Variants in BTBD7 observed in about 807,000 individuals in gnomAD.
BTBD7 encodes BTB domain containing 7, also known as BTB/POZ domain-containing protein 7.
In BTBD7, 38 loss-of-function variants were observed where a neutral mutation model predicts 99.9. That is an observed-to-expected ratio of 0.38 (90% CI 0.29 to 0.50). BTBD7 has a LOEUF of 0.50. BTBD7 is among the 20% of genes least tolerant of loss of function. The pLI is 0.93. For missense variants in BTBD7, 1,170 were observed against 1,394.6 expected, an observed-to-expected ratio of 0.84 and a Z score of 2.57; for synonymous variants, 520 against 511.4, an observed-to-expected ratio of 1.02 and a Z score of -0.23.
At chr14:93,264,745 C>T (rs1260842301) in intron 3 of BTBD7, among the ~76,000 whole-genome samples, 1 of 152,070 alleles carries the variant, frequency 6.6e-6, no homozygotes, top group Non-Finnish European at 1.5e-5. Context: ...ATTAAGCTTA[C>T]TATAAAACAA....
intron 1 of BTBD7, among the ~76,000 whole-genome samples, chr14:93,331,173 T>C (rs2053398172): frequency 6.6e-6 from 1 of 152,204 alleles, no homozygotes; most frequent in Non-Finnish European, 1.5e-5. Flanking sequence ...TCATTTTCGC[T>C]TTCAACTTTA....
chr14:93,315,167 C>T (rs902147635), intron 1 of BTBD7, among the ~76,000 whole-genome samples: 1 of 152,016 alleles, frequency 6.6e-6, no homozygotes, highest in Non-Finnish European at 1.5e-5. Flanking sequence ...TGAGAAAGTG[C>T]TTTCAATTTG....
chr14:93,288,199 T>G, intron 3 of BTBD7: 1 of 303,678 alleles, frequency 3.3e-6, no homozygotes, highest in Non-Finnish European at 5.9e-6. Context: ...TTCCTTTAGT[T>G]TTGGAAATAT....
intron 3 of BTBD7, among the ~76,000 whole-genome samples, chr14:93,268,509 T>C (rs1171445883): frequency 3.3e-5 from 5 of 152,212 alleles, no homozygotes; most frequent in Non-Finnish European, 7.3e-5. Context: ...ATTATGTATA[T>C]GTATCAGGCT....
At chr14:93,286,962 G>A (rs1160375926) in intron 3 of BTBD7, among the ~76,000 whole-genome samples, 1 of 150,706 alleles carries the variant, frequency 6.6e-6, no homozygotes, top group African/African-American at 2.5e-5. Flanking sequence ...TCTGGGCCAG[G>A]CATGGTGGCT....
intron 3 of BTBD7, among the ~76,000 whole-genome samples, chr14:93,284,287 C>G (rs1439589963): frequency 6.6e-6 from 1 of 152,140 alleles, no homozygotes; most frequent in Admixed American, 6.5e-5. Flanking sequence ...GGTTTTCTGA[C>G]ATTAAACTGT....
chr14:93,247,612 T>G (rs764352692), intron 9 of BTBD7, among the ~76,000 whole-genome samples: 1 of 152,152 alleles, frequency 6.6e-6, no homozygotes, highest in East Asian at 1.9e-4. Context: ...TCCCAAAGAG[T>G]TGGGATTACA....
intron 1 of BTBD7, among the ~76,000 whole-genome samples, chr14:93,308,025 T>C (rs2053090838): frequency 6.6e-6 from 1 of 152,104 alleles, no homozygotes; most frequent in Admixed American, 6.6e-5. Flanking sequence ...CCGGGCACGG[T>C]GGCTCAATCC....
intron 1 of BTBD7, among the ~76,000 whole-genome samples, chr14:93,301,982 G>A (rs1185808127): frequency 2.6e-5 from 4 of 152,206 alleles, no homozygotes; most frequent in African/African-American, 9.7e-5. Flanking sequence ...TGACATCAGG[G>A]ATAAGGTATG....
chr14:93,324,477 C>T (rs1286050810), intron 1 of BTBD7, among the ~76,000 whole-genome samples: 1 of 150,734 alleles, frequency 6.6e-6, no homozygotes, highest in Non-Finnish European at 1.5e-5. Flanking sequence ...CTGTCTGAAA[C>T]ATTAAGAAAA....
chr14:93,296,937 G>A (rs2052935492), intron 1 of BTBD7, among the ~76,000 whole-genome samples: 1 of 152,164 alleles, frequency 6.6e-6, no homozygotes, highest in African/African-American at 2.4e-5. Flanking sequence ...CTGCTAGCAA[G>A]AGATTTATGC....
intron 1 of BTBD7, among the ~76,000 whole-genome samples, chr14:93,326,591 A>G (rs1162905503): frequency 6.6e-6 from 1 of 151,492 alleles, no homozygotes; most frequent in Non-Finnish European, 1.5e-5. Flanking sequence ...CACCTTATGT[A>G]AGGAGTTTGA....
intron 4 of BTBD7, among the ~76,000 whole-genome samples, chr14:93,263,546 TGGTGCATTTG>T (rs2052511889): frequency 6.6e-6 from 1 of 152,216 alleles, no homozygotes; most frequent in Non-Finnish European, 1.5e-5. Flanking sequence ...AATCTCTTTT[TGGTGCATTTG>T]GCTGGGACCT....
chr14:93,319,027 G>A (rs1359174658), intron 1 of BTBD7, among the ~76,000 whole-genome samples: 1 of 152,160 alleles, frequency 6.6e-6, no homozygotes, highest in East Asian at 1.9e-4. Context: ...GATCAGCCTG[G>A]GCAACAGGCT....
At chr14:93,289,216 C>A (rs12433927) in intron 3 of BTBD7, among the ~76,000 whole-genome samples, 1 of 152,014 alleles carries the variant, frequency 6.6e-6, no homozygotes, top group Non-Finnish European at 1.5e-5. Context: ...AAGAGTGGCA[C>A]AAATCAGGAA....
At chr14:93,311,932 T>TATTTA (rs144195514) in intron 1 of BTBD7, among the ~76,000 whole-genome samples, 1 of 151,048 alleles carries the variant, frequency 6.6e-6, no homozygotes, top group African/African-American at 2.4e-5. Context: ...GTTATATAAT[T>TATTTA]AAACATTTAA....
In BTBD7 at chr14:93,275,077, G is replaced by A. The variant is rs531790055; in HGVS notation, c.1163-11084C>T. Among the ~76,000 whole-genome samples the A allele has an allele frequency of 2.0e-4, 31 of 152,296 alleles. 1 individual carries two copies. The South Asian group carries it at 5.4e-3, about 26-fold the overall frequency. On this transcript the variant is annotated intron_variant, in intron 3 of 10. Transcript: ENST00000334746. Reference sequence around the variant, plus strand: ...ACCAAAGGGGTGTACAAAAGGCTATGGTACACAGTGGGGGGCTACCTAAAT... The same window carrying A: ...ACCAAAGGGGTGTACAAAAGGCTATAGTACACAGTGGGGGGCTACCTAAAT...
rs1414762603 is a variant in BTBD7, at chr14:93,294,035, A to G, written c.985T>C (p.Leu329=). ...IIPKKYATVI[L]HCMYTDVVDL... is the part of the protein sequence containing the mutation. ...ACCACGTCGGTATACATACAGTGTA[A>G]TATCACTGTTGCATATTTTTTTGGT... The change falls in exon 3 of 11, where the codon TTA becomes CTA. Residue 329 remains leucine, a synonymous_variant. Coordinates refer to ENST00000334746, the MANE Select transcript of BTBD7 (RefSeq NM_001002860.4). 3.1e-6 allele frequency: 5 copies of G among 1,613,926 alleles called. No homozygotes were observed. Among genetic ancestry groups the G allele is most frequent in the Admixed American group, 1.7e-5 (1 of 59,998 alleles).
intron 3 of BTBD7, among the ~76,000 whole-genome samples, chr14:93,280,300 A>G (rs1166517141): frequency 6.6e-6 from 1 of 152,216 alleles, no homozygotes; most frequent in Non-Finnish European, 1.5e-5. Flanking sequence ...AAATTTACTG[A>G]ATCGGTTTCA....
Sources: gnomAD v4.1 joint callset for allele counts (sites outside exome capture counted in the v4.1 genomes callset) on GRCh38, gnomAD v4.1.1 for gene constraint, MANE v1.5 for transcripts, NCBI Gene and HGNC (gene_info 2026-07-23, HGNC 2026-07-21) for gene names.